LINGO2: variants seen among roughly 807,000 people sequenced by gnomAD.
LINGO2 encodes the protein leucine-rich repeat and immunoglobulin-like domain-containing nogo receptor-interacting protein 2.
A neutral mutation model predicts 30.6 loss-of-function variants in LINGO2; 14 were observed. The observed-to-expected ratio is 0.46, with a 90% CI of 0.30 to 0.72. LINGO2 has a LOEUF of 0.72. LINGO2 is among the 30% of genes least tolerant of loss of function. The probability of loss-of-function intolerance (pLI) is 0.07; values close to 1 mark genes in which losing one functional copy is unlikely to be tolerated. For missense variants in LINGO2, 729 were observed against 751.7 expected (o/e 0.97, Z 0.35); for synonymous variants, 317 against 288.5 (o/e 1.10, Z -1.00).
the LINGO2 span, among the ~76,000 whole-genome samples, chr9:28,850,284 T>C: frequency 6.6e-6 from 1 of 152,056 alleles, no homozygotes; most frequent in African/African-American, 2.4e-5. Context: ...TTAGAAATTC[T>C]GTTCTGGCAA....
At chr9:29,203,939 G>GA in the LINGO2 span, among the ~76,000 whole-genome samples, 1 of 152,164 alleles carries the variant, frequency 6.6e-6, no homozygotes, top group African/African-American at 2.4e-5. Context: ...AAAGAAAAAG[G>GA]AAAAAATAAT....
At chr9:28,822,826 C>T in the LINGO2 span, among the ~76,000 whole-genome samples, 1 of 152,074 alleles carries the variant, frequency 6.6e-6, no homozygotes, top group Non-Finnish European at 1.5e-5. Flanking sequence ...AGTTCTGTCC[C>T]TCCAGAGAAC....
chr9:28,888,274 T>C, the LINGO2 span, among the ~76,000 whole-genome samples: 2 of 152,094 alleles, frequency 1.3e-5, no homozygotes, highest in East Asian at 3.9e-4. Context: ...ATCAACCTTA[T>C]GTGGTTTCAT....
the LINGO2 span, among the ~76,000 whole-genome samples, chr9:28,820,912 G>A: frequency 2.6e-5 from 4 of 152,134 alleles, no homozygotes; most frequent in Non-Finnish European, 5.9e-5. Context: ...ACACACACTT[G>A]GTAAAGGGTG....
the LINGO2 span, among the ~76,000 whole-genome samples, chr9:28,749,770 A>G: frequency 2.0e-5 from 3 of 152,226 alleles, no homozygotes; most frequent in South Asian, 6.2e-4. Flanking sequence ...ACAATGAGTA[A>G]CAGACTCTAA....
the LINGO2 span, among the ~76,000 whole-genome samples, chr9:28,999,030 T>C: frequency 6.6e-6 from 1 of 152,176 alleles, no homozygotes; most frequent in Non-Finnish European, 1.5e-5. Context: ...GTTATTGTGA[T>C]ACACATAGAC....
the LINGO2 span, among the ~76,000 whole-genome samples, chr9:29,015,170 G>A: frequency 1.3e-5 from 2 of 151,924 alleles, no homozygotes; most frequent in African/African-American, 2.4e-5. Flanking sequence ...ATGAGACGAG[G>A]GTAGATGATA....
chr9:28,311,686 G>C (rs551057177), intron 3 of LINGO2, among the ~76,000 whole-genome samples: 3 of 152,118 alleles, frequency 2.0e-5, no homozygotes, highest in Non-Finnish European at 4.4e-5. Context: ...GAACAATGCT[G>C]TTATCCTGTT....
chr9:28,804,430 T>C, the LINGO2 span, among the ~76,000 whole-genome samples: 3 of 152,072 alleles, frequency 2.0e-5, no homozygotes, highest in African/African-American at 7.2e-5. Flanking sequence ...TTAGCCTGAA[T>C]CAGTTGGGCC....
chr9:28,091,709 T>A (rs1322792460), intron 4 of LINGO2, among the ~76,000 whole-genome samples: 4 of 152,100 alleles, frequency 2.6e-5, no homozygotes, highest in Non-Finnish European at 5.9e-5. Context: ...TGGGATTTAA[T>A]TAAACTAAAG....
the LINGO2 span, among the ~76,000 whole-genome samples, chr9:28,815,127 T>C: frequency 6.6e-6 from 1 of 152,222 alleles, no homozygotes; most frequent in Non-Finnish European, 1.5e-5. Context: ...GGGAAAGCCC[T>C]TTCTGAGATG....
At chr9:28,231,830 C>G (rs1308222090) in intron 4 of LINGO2, among the ~76,000 whole-genome samples, 1 of 151,664 alleles carries the variant, frequency 6.6e-6, no homozygotes, top group African/African-American at 2.4e-5. Flanking sequence ...TAAGCATGCA[C>G]AAAAATGGAA....
At chr9:28,868,560 G>C in the LINGO2 span, among the ~76,000 whole-genome samples, 2 of 152,038 alleles carry the variant, frequency 1.3e-5, no homozygotes, top group Non-Finnish European at 2.9e-5. Context: ...CCACATAATA[G>C]TCCAGTGTTT....
At chr9:28,288,658 A>T (rs1196196351) in intron 4 of LINGO2, among the ~76,000 whole-genome samples, 1 of 152,142 alleles carries the variant, frequency 6.6e-6, no homozygotes, top group Admixed American at 6.5e-5. Context: ...AGGCTTTTAA[A>T]AAGTGTTTAG....
chr9:28,394,877 TTTC>T (rs1821977635), intron 2 of LINGO2, among the ~76,000 whole-genome samples: 1 of 152,230 alleles, frequency 6.6e-6, no homozygotes, highest in African/African-American at 2.4e-5. Context: ...CTGTTGTCAT[TTTC>T]TTCTTTAGTA....
the LINGO2 span, among the ~76,000 whole-genome samples, chr9:29,184,414 G>GTCTT: frequency 6.6e-6 from 1 of 151,524 alleles, no homozygotes; most frequent in Non-Finnish European, 1.5e-5. Flanking sequence ...CCAAGTAAAT[G>GTCTT]TATTTTAAAG....
At chr9:28,848,391 G>GTATTTATA in the LINGO2 span, among the ~76,000 whole-genome samples, 1 of 55,068 alleles carries the variant, frequency 1.8e-5, no homozygotes, top group Non-Finnish European at 3.7e-5. Context: ...GTGTGTGTGT[G>GTATTTATA]TGTGTGTATA....
intron 1 of LINGO2, among the ~76,000 whole-genome samples, chr9:28,564,909 G>T (rs1292151427): frequency 1.3e-5 from 2 of 152,040 alleles, no homozygotes; most frequent in Non-Finnish European, 2.9e-5. Context: ...CTATGGCACA[G>T]CACTGCTGCA....
chr9:28,145,119 T>C (rs2133516766), intron 4 of LINGO2, among the ~76,000 whole-genome samples: 1 of 152,314 alleles, frequency 6.6e-6, no homozygotes, highest in African/African-American at 2.4e-5. Context: ...GTCACAGTGT[T>C]CTCTGAACCA....
Sources: allele counts gnomAD v4.1 joint callset (sites outside exome capture counted in the v4.1 genomes callset), GRCh38; gene constraint gnomAD v4.1.1; transcripts MANE v1.5; gene names NCBI Gene and HGNC (gene_info 2026-07-23, HGNC 2026-07-21).